Variants in ZFPM2 observed in about 807,000 individuals in gnomAD.
ZFPM2 encodes zinc finger protein, FOG family member 2, also known as zinc finger protein ZFPM2.
In ZFPM2, 20 loss-of-function variants were observed where a neutral mutation model predicts 98.6. That is an observed-to-expected ratio of 0.20 (90% CI 0.14 to 0.29). ZFPM2 has a LOEUF of 0.29. ZFPM2 is among the 10% of genes least tolerant of loss of function. The probability of loss-of-function intolerance (pLI) is 1.00; values close to 1 mark genes in which losing one functional copy is unlikely to be tolerated. For missense variants in ZFPM2, 1,310 were observed against 1,388.6 expected (o/e 0.94, Z 0.90); for synonymous variants, 518 against 502.7 (o/e 1.03, Z -0.41).
At chr8:105,785,112 C>G (rs1254331558) in intron 5 of ZFPM2, 1 of 152,138 alleles carries the variant, frequency 6.6e-6, no homozygotes, top group Non-Finnish European at 1.5e-5. Flanking sequence ...CCCTGGGTTA[C>G]CACATGAATG....
intron 1 of ZFPM2, among the ~76,000 whole-genome samples, chr8:105,385,946 C>A (rs1810980415): frequency 6.6e-6 from 1 of 152,172 alleles, no homozygotes; most frequent in Admixed American, 6.5e-5. Context: ...TGCAGCCCAC[C>A]TCCATGTGAC....
intron 1 of ZFPM2, among the ~76,000 whole-genome samples, chr8:105,330,584 A>G (rs1228988065): frequency 1.7e-5 from 1 of 60,366 alleles, no homozygotes; most frequent in Non-Finnish European, 2.9e-5. Context: ...ATATATACAT[A>G]TATATATATA....
chr8:105,709,249 C>G (rs1811327213), intron 5 of ZFPM2, among the ~76,000 whole-genome samples: 1 of 152,180 alleles, frequency 6.6e-6, no homozygotes, highest in Non-Finnish European at 1.5e-5. Flanking sequence ...TTTCACTCAT[C>G]AATCTGGTTT....
At chr8:105,485,435 T>C (rs1035073108) in intron 3 of ZFPM2, among the ~76,000 whole-genome samples, 1 of 152,134 alleles carries the variant, frequency 6.6e-6, no homozygotes, top group African/African-American at 2.4e-5. Flanking sequence ...AGGAGATCTC[T>C]TGAGTCTAGG....
chr8:105,370,185 G>C lies in ZFPM2; in HGVS notation c.41-48959G>C, dbSNP rs548367437. 1.4e-3 allele frequency among the ~76,000 whole-genome samples: 217 copies of C among 152,158 alleles called. 3 individuals carry two copies. Among genetic ancestry groups the C allele is most frequent in the African/African-American group, 5.1e-3 (212 of 41,526 alleles). On this transcript the variant is annotated intron_variant, in intron 1 of 7. Transcript: ENST00000407775. Reference sequence around the variant, plus strand: ...AGTGCAAAACTGGCATAGCATCATTGGGTGAGGGGGTAAGAAATAGAACCT... The same window carrying C: ...AGTGCAAAACTGGCATAGCATCATTCGGTGAGGGGGTAAGAAATAGAACCT...
At chr8:105,739,360 C>T in intron 5 of ZFPM2, among the ~76,000 whole-genome samples, 1 of 151,954 alleles carries the variant, frequency 6.6e-6, no homozygotes, top group East Asian at 1.9e-4. Flanking sequence ...ATCTGTTTCC[C>T]CGAATTGTTG....
intron 5 of ZFPM2, among the ~76,000 whole-genome samples, chr8:105,639,527 A>T (rs1355533565): frequency 6.6e-6 from 1 of 152,016 alleles, no homozygotes; most frequent in African/African-American, 2.4e-5. Flanking sequence ...ATATTATTAT[A>T]AAAATCTATA....
intron 1 of ZFPM2, among the ~76,000 whole-genome samples, chr8:105,402,270 C>A (rs115345301): frequency 0.021 from 3,179 of 151,864 alleles, 110 homozygotes; most frequent in African/African-American, 0.073. Context: ...CTTTTTTATT[C>A]TAATCTTCAA....
chr8:105,486,917 C>A (rs1294128648), intron 3 of ZFPM2, among the ~76,000 whole-genome samples: 1 of 152,124 alleles, frequency 6.6e-6, no homozygotes, highest in Admixed American at 6.5e-5. Context: ...GGGATCTAGT[C>A]ACATTACACT....
At chr8:105,496,673 G>GTTT (rs35067278) in intron 3 of ZFPM2, among the ~76,000 whole-genome samples, 1 of 128,384 alleles carries the variant, frequency 7.8e-6, no homozygotes, top group South Asian at 2.6e-4. Flanking sequence ...TGTTTTTTTG[G>GTTT]TTTTTTTTTT....
chr8:105,493,842 A>G (rs181608647), intron 3 of ZFPM2, among the ~76,000 whole-genome samples: 3 of 151,998 alleles, frequency 2.0e-5, no homozygotes, highest in East Asian at 3.9e-4. Context: ...TTTTTCCTCT[A>G]TATTTTCTCC....
At chr8:105,494,995 C>A (rs756041926) in intron 3 of ZFPM2, among the ~76,000 whole-genome samples, 2 of 152,064 alleles carry the variant, frequency 1.3e-5, no homozygotes, top group African/African-American at 2.4e-5. Context: ...AAATATTAAT[C>A]TTCTACTGTT....
intron 1 of ZFPM2, among the ~76,000 whole-genome samples, chr8:105,322,302 A>G (rs968240651): frequency 3.3e-5 from 5 of 152,088 alleles, no homozygotes; most frequent in South Asian, 4.1e-4. Flanking sequence ...GCATCTCTTT[A>G]TGATTAGTAA....
chr8:105,686,319 G>T (rs1479189231), intron 5 of ZFPM2, among the ~76,000 whole-genome samples: 1 of 151,932 alleles, frequency 6.6e-6, no homozygotes, highest in African/African-American at 2.4e-5. Flanking sequence ...CCATTTACTT[G>T]ATTTTTTTTA....
intron 1 of ZFPM2, among the ~76,000 whole-genome samples, chr8:105,404,536 G>A (rs1303159396): frequency 1.3e-5 from 2 of 151,916 alleles, no homozygotes; most frequent in Non-Finnish European, 2.9e-5. Context: ...TTTTTTGTCA[G>A]TCTGTGCAGT....
intron 3 of ZFPM2, chr8:105,451,670 A>G (rs899530424): frequency 6.6e-6 from 1 of 152,204 alleles, no homozygotes; most frequent in African/African-American, 2.4e-5. Context: ...GGAGAGAGAC[A>G]TGGAACCGAT....
At position 105,801,997 on chromosome 8, in the gene ZFPM2, G is replaced by A. The variant is rs1454243628; in HGVS notation, c.1915G>A (p.Gly639Arg). Residue 639 changes from glycine to arginine, a missense_variant, in exon 8 of 8, where the codon GGG (glycine) becomes AGG (arginine). Gly to Arg is a moderately radical substitution (Grantham distance 125). Transcript: ENST00000407775. The stretch of plus-strand genomic sequence containing the variant: ...TGTCTTAGATTTAATTGGGCCAAAT[G>A]GGAAGGGCCATGACAAGGACTTTTC... ...STVLDLIGPN[G>R]KGHDKDFSTQ... 1.9e-6 allele frequency: 3 copies of A among 1,613,778 alleles called. No individual in the cohort carries two copies. Among genetic ancestry groups the A allele is most frequent in the Non-Finnish European group, 2.5e-6 (3 of 1,179,862 alleles).
chr8:105,340,507 A>G (rs1033002564), intron 1 of ZFPM2, among the ~76,000 whole-genome samples: 2 of 152,078 alleles, frequency 1.3e-5, no homozygotes, highest in Non-Finnish European at 2.9e-5. Flanking sequence ...TGATTGTAGA[A>G]TTCCTACTTT....
At chr8:105,711,971 A>G (rs1173709456) in intron 5 of ZFPM2, among the ~76,000 whole-genome samples, 1 of 152,078 alleles carries the variant, frequency 6.6e-6, no homozygotes, top group Non-Finnish European at 1.5e-5. Flanking sequence ...CTTGATTTAA[A>G]TTCCTAGAGG....
Sources: gnomAD v4.1 joint callset for allele counts (sites outside exome capture counted in the v4.1 genomes callset) on GRCh38, gnomAD v4.1.1 for gene constraint, MANE v1.5 for transcripts, NCBI Gene and HGNC (gene_info 2026-07-23, HGNC 2026-07-21) for gene names.